FLVCR2: variants seen among roughly 807,000 people sequenced by gnomAD.
The protein encoded by FLVCR2 is choline/ethanolamine transporter FLVCR2.
FLVCR2 carries 38 observed loss-of-function variants against 48.9 expected under a neutral mutation model. That is an observed-to-expected ratio of 0.78 (90% CI 0.60 to 1.02). The LOEUF is 1.02. FLVCR2 is among the 50% of genes least tolerant of loss of function. The pLI, the probability that FLVCR2 is intolerant of heterozygous loss-of-function variation, is 0.00. For missense variants in FLVCR2, 664 were observed against 663.3 expected (o/e 1.00, Z -0.01); for synonymous variants, 255 against 257.0 (o/e 0.99, Z 0.07).
chr14:75,609,447 A>T (rs1315056602), intron 1 of FLVCR2, among the ~76,000 whole-genome samples: 1 of 152,186 alleles, frequency 6.6e-6, no homozygotes, highest in Non-Finnish European at 1.5e-5. Context: ...AGGGCGTTAT[A>T]GATGTGAGTG....
At chr14:75,629,229 C>T (rs988480286) in intron 3 of FLVCR2, among the ~76,000 whole-genome samples, 1 of 152,120 alleles carries the variant, frequency 6.6e-6, no homozygotes, top group South Asian at 2.1e-4. Flanking sequence ...ACAACAAATA[C>T]TTTTAATATA....
chr14:75,586,079 G>C (rs188707891), intron 1 of FLVCR2, among the ~76,000 whole-genome samples: 3 of 152,284 alleles, frequency 2.0e-5, no homozygotes, highest in East Asian at 3.9e-4. Context: ...AATGTCTCAC[G>C]CATCCACGTG....
In FLVCR2 at chr14:75,633,683, T is replaced by A. The variant is rs1890099126; in HGVS notation, c.1007T>A (p.Ile336Asn). The change falls in exon 4 of 10, where the codon ATC (isoleucine) becomes AAC (asparagine). Residue 336 changes from isoleucine (I) to asparagine (N), a missense_variant. Ile to Asn is a moderately radical substitution (Grantham distance 149). Transcript: ENST00000238667. ...ALSTLLNRMV[I>N]WHYPGEEVNA... ...TCCACTCTTCTGAATCGCATGGTGA[T>A]CTGGCACTACCCGGTAAGGGAGTTC... 1.2e-6 allele frequency: 2 copies of A among 1,613,624 alleles called. No individual in the cohort carries two copies. Among genetic ancestry groups the A allele is most frequent in the Non-Finnish European group, 1.7e-6 (2 of 1,179,616 alleles).
intron 1 of FLVCR2, 105 bp downstream of exon 1, chr14:75,579,746 ACT>A: frequency 7.9e-7 from 1 of 1,263,706 alleles, no homozygotes; most frequent in Non-Finnish European, 1.1e-6. Flanking sequence ...AGTGTTTGTG[ACT>A]CTGGGTGACA....
intron 1 of FLVCR2, among the ~76,000 whole-genome samples, chr14:75,606,428 C>T (rs1889292276): frequency 1.3e-5 from 2 of 152,184 alleles, no homozygotes; most frequent in African/African-American, 4.8e-5. Flanking sequence ...TCCCGGGCTT[C>T]CTGTTGGGTG....
intron 9 of FLVCR2, among the ~76,000 whole-genome samples, chr14:75,645,730 C>T (rs1594819197): frequency 6.6e-6 from 1 of 152,114 alleles, no homozygotes; most frequent in East Asian, 1.9e-4. Flanking sequence ...CCAGCCTGGC[C>T]AACATGGTGA....
At chr14:75,631,806 T>C in intron 3 of FLVCR2, 1 of 456,076 alleles carries the variant, frequency 2.2e-6, no homozygotes, top group Non-Finnish European at 4.4e-6. Flanking sequence ...CACTCGGAAA[T>C]GGACTTTCTA....
chr14:75,622,020 T>G, intron 1 of FLVCR2, 59 bp from the exon 2 acceptor site: 1 of 1,555,366 alleles, frequency 6.4e-7, no homozygotes, highest in South Asian at 1.1e-5. Flanking sequence ...CTCTTTACAT[T>G]TGTGTTGTCA....
In FLVCR2 at chr14:75,639,464, T is replaced by C; in HGVS notation, c.1235+2T>C. 3.1e-6 allele frequency: 5 copies of C among 1,593,832 alleles called. No individual in the cohort carries two copies. Among genetic ancestry groups the C allele is most frequent in the Non-Finnish European group, 4.3e-6 (5 of 1,161,596 alleles). On this transcript the variant is annotated splice_donor_variant, in intron 6 of 9. Coordinates refer to ENST00000238667, the MANE Select transcript of FLVCR2 (RefSeq NM_017791.3). LOFTEE classifies it high-confidence loss of function. ...GTTCATCACTGCTGGCACAATGGGG[T>C]AAGTTTCACCTCTGGCTGATTTATT...
chr14:75,598,297 G>C (rs1889076030), intron 1 of FLVCR2, among the ~76,000 whole-genome samples: 2 of 152,144 alleles, frequency 1.3e-5, no homozygotes, highest in South Asian at 4.1e-4. Context: ...AAAACCTTAG[G>C]GTTGGGGAGT....
chr14:75,598,146 G>A (rs1280599523), intron 1 of FLVCR2, among the ~76,000 whole-genome samples: 1 of 152,028 alleles, frequency 6.6e-6, no homozygotes, highest in Non-Finnish European at 1.5e-5. Flanking sequence ...CACCCAGCTG[G>A]TCAGGGTTGA....
chr14:75,629,254 A>G (rs1181152338), intron 3 of FLVCR2, among the ~76,000 whole-genome samples: 2 of 152,222 alleles, frequency 1.3e-5, no homozygotes, highest in Non-Finnish European at 2.9e-5. Context: ...TGTCTTATGC[A>G]ATATTTGTGG....
chr14:75,630,776 C>A (rs1890021947), intron 3 of FLVCR2, among the ~76,000 whole-genome samples: 1 of 152,172 alleles, frequency 6.6e-6, no homozygotes, highest in African/African-American at 2.4e-5. Context: ...CTCTCTAAAG[C>A]CTGCCTCCTC....
intron 1 of FLVCR2, chr14:75,595,740 G>A: frequency 1.6e-6 from 1 of 639,794 alleles, no homozygotes; most frequent in Admixed American, 2.7e-5. Flanking sequence ...ACATGAAAGT[G>A]TTTAGTTTAT....
chr14:75,601,279 C>T (rs1379270710), intron 1 of FLVCR2, among the ~76,000 whole-genome samples: 1 of 152,270 alleles, frequency 6.6e-6, no homozygotes, highest in Non-Finnish European at 1.5e-5. Flanking sequence ...TTGGGCGGGC[C>T]AGGTGTTCCT....
intron 1 of FLVCR2, chr14:75,605,988 A>G (rs1324663785): frequency 1.1e-5 from 3 of 271,102 alleles, no homozygotes; most frequent in Non-Finnish European, 1.5e-5. Context: ...ACTGGAAAAC[A>G]TAGGAGGTGA....
Position 75,634,905 on chromosome 14 carries a change from C to T in FLVCR2, c.1021-5C>T, listed in dbSNP as rs376832369. 150 of 1,606,732 alleles carry T rather than the reference C, an allele frequency of 9.3e-5. No individual in the cohort carries two copies. In the African/African-American group the frequency reaches 1.8e-3, roughly 19 times the overall value. ...GGGTGATCTTTGGGGTTATGGTTTC[C>T]CCAGGGGGAAGAAGTGAATGCTGGA... On this transcript the variant is annotated splice_region_variant and splice_polypyrimidine_tract_variant and intron_variant, in intron 4 of 9. Transcript: ENST00000238667.
At chr14:75,616,050 A>AAAAAAAAAAAAG in intron 1 of FLVCR2, among the ~76,000 whole-genome samples, 1 of 145,284 alleles carries the variant, frequency 6.9e-6, no homozygotes, top group Non-Finnish European at 1.5e-5. Context: ...AAAAAAAAAT[A>AAAAAAAAAAAAG]GCGTAAGTCC....
chr14:75,582,414 C>A (rs1344246995), intron 1 of FLVCR2, among the ~76,000 whole-genome samples: 1 of 152,016 alleles, frequency 6.6e-6, no homozygotes, highest in Non-Finnish European at 1.5e-5. Flanking sequence ...TGGAGGGGGG[C>A]AGAAAGTATA....
Sources: allele counts gnomAD v4.1 joint callset (sites outside exome capture counted in the v4.1 genomes callset), GRCh38; gene constraint gnomAD v4.1.1; transcripts MANE v1.5; gene names NCBI Gene and HGNC (gene_info 2026-07-23, HGNC 2026-07-21).